Variants in CIZ1 observed in about 807,000 individuals in gnomAD.
The protein encoded by CIZ1 is CDKN1A interacting zinc finger protein 1.
CIZ1 carries 58 observed loss-of-function variants against 118.6 expected under a neutral mutation model. That is an observed-to-expected ratio of 0.49 (90% CI 0.40 to 0.61). CIZ1 has a LOEUF of 0.61. Among genes scored for constraint, CIZ1 ranks in the 20% least tolerant of loss-of-function variants. The pLI, the probability that CIZ1 is intolerant of heterozygous loss-of-function variation, is 0.00. For synonymous variants in CIZ1, 448 were observed against 443.4 expected (o/e 1.01, Z -0.13); for missense variants, 921 against 1,115.9 (o/e 0.83, Z 2.49).
upstream of CIZ1, among the ~76,000 whole-genome samples, chr9:128,194,043 C>T (rs1236530292): frequency 6.6e-6 from 1 of 152,146 alleles, no homozygotes; most frequent in East Asian, 1.9e-4. Flanking sequence ...GTTCATCTTT[C>T]TGGGAAGCAA....
rs1833074489 is a variant in CIZ1, at chr9:128,191,034, C to G, written c.-5-172G>C. Among the ~76,000 whole-genome samples the G allele has an allele frequency of 6.6e-6, 1 of 152,090 alleles. No individual in the cohort carries two copies. The highest frequency in any genetic ancestry group is 2.4e-5 in the African/African-American group (1 of 41,406). ...GCCACACTCGCTTGGCCCATCCTTC[C>G]AAGTTACCTCCAGTCCTGCTAGGGG... is the stretch of plus-strand genomic sequence containing the variant. On this transcript the variant is annotated intron_variant, in intron 1 of 16. Transcript: ENST00000372938. This position sits in a 1 kb window ranked among gnomAD's most constrained non-coding sequence, Gnocchi z 5.5.
intron 5 of CIZ1, among the ~76,000 whole-genome samples, chr9:128,183,718 A>G (rs1564285731): frequency 6.6e-6 from 1 of 152,090 alleles, no homozygotes; most frequent in Non-Finnish European, 1.5e-5. Context: ...ATTTTATAGC[A>G]TTGTTCTACC....
Position 128,180,493 on chromosome 9 carries a change from A to G in CIZ1, c.713T>C (p.Ile238Thr). The change falls in exon 7 of 17, where the codon ATC becomes ACC. Residue 238 changes from isoleucine to threonine, a missense_variant. Physicochemically the swap from Ile to Thr is moderately conservative, Grantham distance 89 (BLOSUM62 -1). Transcript: ENST00000372938. ...DQDLPPCPEDIAKEKRTPAPE... is the reference protein window; with the variant it reads ...DQDLPPCPEDTAKEKRTPAPE... ...TGCTGGAGTGCGTTTTTCCTTGGCG[A>G]TGTCCTCTGGGCAGGGCGGTAAATC... 1 of 1,613,980 alleles carries G rather than the reference A, an allele frequency of 6.2e-7. No homozygotes were observed. Among genetic ancestry groups the G allele is most frequent in the Non-Finnish European group, 8.5e-7 (1 of 1,179,970 alleles).
intron 11 of CIZ1, among the ~76,000 whole-genome samples, chr9:128,174,086 G>A (rs912170706): frequency 6.6e-6 from 1 of 151,996 alleles, no homozygotes; most frequent in Admixed American, 6.5e-5. Context: ...CACCTGCCCT[G>A]GGGGCTTTGA....
chr9:128,177,164 A>G (rs1830967014), intron 10 of CIZ1, among the ~76,000 whole-genome samples: 1 of 152,148 alleles, frequency 6.6e-6, no homozygotes, highest in Non-Finnish European at 1.5e-5. Flanking sequence ...CTGGGATTAC[A>G]GGCGTGAGCC....
At chr9:128,171,759 TA>T (rs1445875756) in intron 11 of CIZ1, among the ~76,000 whole-genome samples, 1 of 151,526 alleles carries the variant, frequency 6.6e-6, no homozygotes, top group Admixed American at 6.6e-5. Flanking sequence ...AATAAATAAA[TA>T]AAATAATACT....
At chr9:128,190,561 G>T in intron 2 of CIZ1, 117 bp from the exon 3 acceptor site, 1 of 1,371,268 alleles carries the variant, frequency 7.3e-7, no homozygotes, top group Admixed American at 2.0e-5. Flanking sequence ...GACCCCTTGG[G>T]GCTGGAATTG....
rs1021562728 is a variant in CIZ1 at position 128,178,769 on chromosome 9, G to A, written c.1438C>T (p.Pro480Ser). Residue 480 changes from proline to serine, a missense_variant, in exon 8 of 17, where the codon CCA (proline) becomes TCA (serine). Pro to Ser is a moderately conservative substitution (Grantham distance 74). Coordinates refer to ENST00000372938, the MANE Select transcript of CIZ1 (RefSeq NM_001131016.2). ...QVSLLAPEQT[P>S]VVVHVCGLEM... ...AGCCCGCAGACATGAACCACAACTG[G>A]TGTTTGCTCTGGAGCCAGCAACGAC... The A allele has an allele frequency of 7.4e-6, 12 of 1,614,248 alleles. No homozygotes were observed. The highest frequency in any genetic ancestry group is 9.3e-6 in the Non-Finnish European group (11 of 1,180,048).
At chr9:128,191,785 G>A, upstream of CIZ1, 1 of 1,427,506 alleles carries the variant, frequency 7.0e-7, no homozygotes. This position sits in a 1 kb window ranked among gnomAD's most constrained non-coding sequence, Gnocchi z 5.5. Flanking sequence ...ACCAAGGTCC[G>A]TCTGCCGCCC....
At chr9:128,173,376 A>G (rs1036550143) in intron 11 of CIZ1, among the ~76,000 whole-genome samples, 3 of 150,806 alleles carry the variant, frequency 2.0e-5, no homozygotes, top group Admixed American at 6.6e-5. Flanking sequence ...CGATCTCCTG[A>G]CCTCATGATC....
rs1482221718 is a variant in CIZ1, at chr9:128,166,756, C to T, written c.2487+3G>A. ...GGAGGACAGGGCAGGATGTCCGGCT[C>T]ACCTGCAGGTTCTCAAAGTGGCCCA... On this transcript the variant is annotated splice_donor_region_variant and intron_variant, in intron 16 of 16. Coordinates refer to ENST00000372938, the MANE Select transcript of CIZ1 (RefSeq NM_001131016.2). This position sits in a 1 kb window ranked among gnomAD's most constrained non-coding sequence, Gnocchi z 4.4. 1 of 1,614,188 alleles carries T rather than the reference C, an allele frequency of 6.2e-7. No individual in the cohort carries two copies. The highest frequency in any genetic ancestry group is 1.1e-5 in the South Asian group (1 of 91,076).
chr9:128,175,280 C>G (rs1349833381), intron 11 of CIZ1, among the ~76,000 whole-genome samples: 1 of 152,088 alleles, frequency 6.6e-6, no homozygotes, highest in Non-Finnish European at 1.5e-5. Context: ...CCCCTACTTT[C>G]GAGTATTTTA....
At chr9:128,200,822 G>C (rs1444868563) in intron 1 of CIZ1, among the ~76,000 whole-genome samples, 1 of 117,166 alleles carries the variant, frequency 8.5e-6, no homozygotes, top group African/African-American at 3.2e-5. Context: ...GGGAGACAGA[G>C]CGAGACTACG....
At position 128,166,330 on chromosome 9, in the gene CIZ1, G is replaced by A; in HGVS notation, c.2564C>T (p.Ala855Val). 6.4e-7 allele frequency: 1 copy of A among 1,565,722 alleles called. No homozygotes were observed. Among genetic ancestry groups the A allele is most frequent in the Non-Finnish European group, 8.7e-7 (1 of 1,154,638 alleles). ...GCTGGAGGTGAACAGGGCTGTCAAA[G>A]CGTTCCGGGCGTTGATTGCGCACCG... is the stretch of plus-strand genomic sequence containing the variant. ...SRRCAINARNALTALFTSSGR... is the reference protein window; with the variant it reads ...SRRCAINARNVLTALFTSSGR... Residue 855 changes from alanine (A) to valine (V), a missense_variant, in exon 17 of 17, where the codon GCT (alanine) becomes GTT (valine). Coordinates refer to ENST00000372938, the MANE Select transcript of CIZ1 (RefSeq NM_001131016.2). The surrounding 1 kb of genome is among the most constrained non-coding windows in gnomAD (Gnocchi z 4.4).
intron 9 of CIZ1, 41 bp from the exon 10 acceptor site, chr9:128,177,804 C>A (rs1273151004): frequency 7.1e-7 from 1 of 1,402,530 alleles, no homozygotes; most frequent in East Asian, 2.5e-5. Flanking sequence ...CAACTGTGTA[C>A]TTATAGTGGG....
At chr9:128,200,235 A>G (rs1029165643) in intron 1 of CIZ1, 8 of 152,142 alleles carry the variant, frequency 5.3e-5, no homozygotes, top group African/African-American at 1.7e-4. Context: ...TGAAAAACAA[A>G]GCCAGAGAAC....
chr9:128,169,289 C>G, intron 13 of CIZ1, 88 bp from the exon 14 acceptor site: 2 of 1,266,386 alleles, frequency 1.6e-6, no homozygotes. Context: ...CCTGAGAGTC[C>G]CAATCCCTCC....
At position 128,166,200 on chromosome 9, in the gene CIZ1, G is replaced by C; in HGVS notation, c.2694C>G (p.Thr898=). The C allele has an allele frequency of 6.8e-7, 1 of 1,479,056 alleles. No homozygotes were observed. Among genetic ancestry groups the C allele is most frequent in the Non-Finnish European group, 9.0e-7 (1 of 1,106,638 alleles). 91.6% of individuals were successfully genotyped at this position (1,479,056 alleles called of 1,614,324 possible). A position where few individuals can be genotyped will look rare whatever the true frequency, so the allele number is the denominator to read the frequency against. ...CAGGGACAGGGAGGTCCCTCTATCA[G>C]GTTTTGAGGCGGGTTGAGCGCCGAG... is the stretch of plus-strand genomic sequence containing the variant. ...PLPRRSTRLK[T] is the part of the protein sequence containing the mutation. Residue 898 remains threonine (T), a synonymous_variant, in exon 17 of 17, where the codon ACC becomes ACG. Coordinates refer to ENST00000372938, the MANE Select transcript of CIZ1 (RefSeq NM_001131016.2). This position sits in a 1 kb window ranked among gnomAD's most constrained non-coding sequence, Gnocchi z 4.4.
Position 128,166,127 on chromosome 9 carries a change from T to C in CIZ1, c.*70A>G. The C allele has an allele frequency of 8.9e-7, 1 of 1,119,140 alleles. No individual in the cohort carries two copies. The highest frequency in any genetic ancestry group is 1.2e-6 in the Non-Finnish European group (1 of 821,182). 69.3% of individuals were successfully genotyped at this position (1,119,140 alleles called of 1,614,324 possible). On this transcript the variant is annotated 3_prime_UTR_variant, in exon 17 of 17. Transcript: ENST00000372938. The surrounding 1 kb of genome is among the most constrained non-coding windows in gnomAD (Gnocchi z 4.4). ...TAAAAACATGAACCATGTCAAAGTT[T>C]CCAGGCAGACTCCTAAAAAGCATTA... is the stretch of plus-strand genomic sequence containing the variant.
Sources: gnomAD v4.1 joint callset for allele counts (sites outside exome capture counted in the v4.1 genomes callset) on GRCh38, gnomAD v4.1.1 for gene constraint, Gnocchi (gnomAD v3.1) non-coding constraint, MANE v1.5 for transcripts, NCBI Gene and HGNC (gene_info 2026-07-23, HGNC 2026-07-21) for gene names.